CFAP53: variants seen among roughly 807,000 people sequenced by gnomAD.
The protein encoded by CFAP53 is cilia- and flagella-associated protein 53.
CFAP53 carries 62 observed loss-of-function variants against 59.7 expected under a neutral mutation model. That is an observed-to-expected ratio of 1.04 (90% confidence interval 0.85 to 1.28). CFAP53 has a LOEUF of 1.28. Ranked by LOEUF, CFAP53 falls within the 50% of genes most tolerant of loss-of-function variation. CFAP53 has a pLI of 0.00. For missense variants in CFAP53, 629 were observed against 615.6 expected (o/e 1.02, Z -0.23); for synonymous variants, 218 against 205.7 (o/e 1.06, Z -0.51).
chr18:50,243,206 T>A, intron 5 of CFAP53, 90 bp from the exon 6 acceptor site: 2 of 862,666 alleles, frequency 2.3e-6, no homozygotes, highest in South Asian at 3.1e-5. Context: ...AAAGCTCCAA[T>A]CCCAATCTTT....
chr18:50,256,976 T>C (rs2033851947), intron 3 of CFAP53, among the ~76,000 whole-genome samples: 1 of 148,060 alleles, frequency 6.8e-6, no homozygotes, highest in Admixed American at 6.9e-5. Flanking sequence ...TAAGTGACAC[T>C]CACTCTCACA....
At chr18:50,246,300 A>G (rs75901739) in intron 5 of CFAP53, among the ~76,000 whole-genome samples, 117 of 152,352 alleles carry the variant, frequency 7.7e-4, no homozygotes, top group African/African-American at 2.6e-3. Flanking sequence ...AATAGAACTG[A>G]GTGTCCAGAA....
At chr18:50,263,225 G>A (rs994655406) in intron 1 of CFAP53, among the ~76,000 whole-genome samples, 1 of 152,116 alleles carries the variant, frequency 6.6e-6, no homozygotes, top group Non-Finnish European at 1.5e-5. Context: ...CTTGAGCTTT[G>A]TATTTTCAGG....
At chr18:50,228,495 TA>T (rs574934959) in intron 7 of CFAP53, among the ~76,000 whole-genome samples, 79 of 152,096 alleles carry the variant, frequency 5.2e-4, no homozygotes, top group Non-Finnish European at 1.1e-3. Context: ...TTTATTGTAA[TA>T]AAAAACACAT....
intron 7 of CFAP53, among the ~76,000 whole-genome samples, chr18:50,228,462 GT>G (rs1264677402): frequency 2.0e-5 from 3 of 151,712 alleles, no homozygotes; most frequent in East Asian, 1.9e-4. Context: ...ATATATGACA[GT>G]TTTTTTATTT....
intron 1 of CFAP53, 64 bp downstream of exon 1, chr18:50,266,272 C>T (rs2033973863): frequency 6.5e-7 from 1 of 1,531,966 alleles, no homozygotes; most frequent in Non-Finnish European, 9.0e-7. Flanking sequence ...GTGGGATAGG[C>T]CAGGCCTGGA....
chr18:50,227,369 A>C lies in CFAP53; in HGVS notation c.*12T>G. 6.3e-7 allele frequency: 1 copy of C among 1,598,232 alleles called. No homozygotes were observed. Among genetic ancestry groups the C allele is most frequent in the Non-Finnish European group, 8.6e-7 (1 of 1,165,984 alleles). The stretch of plus-strand genomic sequence containing the variant: ...TAAAAGACCAAGAAAAGATATATTG[A>C]TGCTCACGGAACTACGGTGGAAGCT... On this transcript the variant is annotated 3_prime_UTR_variant, in exon 8 of 8. Transcript: ENST00000398545.
At chr18:50,248,215 T>C (rs2033764092) in intron 5 of CFAP53, among the ~76,000 whole-genome samples, 1 of 150,360 alleles carries the variant, frequency 6.7e-6, no homozygotes, top group Non-Finnish European at 1.5e-5. Context: ...AACAGGCTCA[T>C]AAAAAGTTGT....
At chr18:50,258,680 G>A (rs2033866060) in intron 3 of CFAP53, among the ~76,000 whole-genome samples, 1 of 152,138 alleles carries the variant, frequency 6.6e-6, no homozygotes, top group Non-Finnish European at 1.5e-5. Flanking sequence ...CACAGAATGG[G>A]AGAAAATATT....
At chr18:50,253,451 C>T (rs2033820067) in intron 3 of CFAP53, among the ~76,000 whole-genome samples, 1 of 152,090 alleles carries the variant, frequency 6.6e-6, no homozygotes, top group Non-Finnish European at 1.5e-5. Context: ...GGTATCATCC[C>T]CATCTTAGAG....
At chr18:50,227,764 G>GC (rs1234470236) in intron 7 of CFAP53, among the ~76,000 whole-genome samples, 155 bp from the exon 8 acceptor site, 10 of 152,004 alleles carry the variant, frequency 6.6e-5, no homozygotes, top group East Asian at 3.9e-4. Flanking sequence ...CTCAATAATG[G>GC]GTTTCTTACA....
chr18:50,235,320 C>T (rs1033239234), intron 7 of CFAP53, among the ~76,000 whole-genome samples: 4 of 152,122 alleles, frequency 2.6e-5, no homozygotes, highest in Non-Finnish European at 5.9e-5. Context: ...AATCCCAGCA[C>T]TTTGGGAGGC....
intron 5 of CFAP53, among the ~76,000 whole-genome samples, chr18:50,244,371 C>A (rs768750311): frequency 6.6e-6 from 1 of 152,110 alleles, no homozygotes; most frequent in African/African-American, 2.4e-5. Context: ...TCCCTCCTGT[C>A]GCCAAGTAAG....
At chr18:50,235,495 G>C (rs895467094) in intron 7 of CFAP53, among the ~76,000 whole-genome samples, 48 of 152,154 alleles carry the variant, frequency 3.2e-4, no homozygotes, top group African/African-American at 1.1e-3. Flanking sequence ...TGAACCTGGG[G>C]AGGCAGAGGT....
intron 7 of CFAP53, among the ~76,000 whole-genome samples, chr18:50,232,020 G>A (rs909522641): frequency 6.6e-5 from 10 of 152,160 alleles, no homozygotes; most frequent in African/African-American, 1.7e-4. Flanking sequence ...CTGAGTGGCC[G>A]AGGGGACTTT....
At chr18:50,241,809 C>T (rs936198263) in intron 6 of CFAP53, among the ~76,000 whole-genome samples, 1 of 152,082 alleles carries the variant, frequency 6.6e-6, no homozygotes, top group Non-Finnish European at 1.5e-5. Flanking sequence ...GTCTGCGTCC[C>T]ACTGTGCACG....
At chr18:50,228,140 G>A (rs2033544929) in intron 7 of CFAP53, among the ~76,000 whole-genome samples, 1 of 151,186 alleles carries the variant, frequency 6.6e-6, no homozygotes, top group African/African-American at 2.4e-5. Context: ...TGTATTTTTA[G>A]TAGAGATGAG....
chr18:50,259,537 T>C (rs2033873079), intron 3 of CFAP53, among the ~76,000 whole-genome samples: 1 of 152,010 alleles, frequency 6.6e-6, no homozygotes, highest in African/African-American at 2.4e-5. Context: ...AGACCTACTA[T>C]TTGATAGCAC....
intron 3 of CFAP53, among the ~76,000 whole-genome samples, chr18:50,252,558 C>T (rs1290109868): frequency 2.0e-5 from 3 of 152,104 alleles, no homozygotes; most frequent in Non-Finnish European, 2.9e-5. Context: ...CACATGTCAC[C>T]GTGTCTGGCT....
Sources: gnomAD v4.1 joint callset for allele counts (sites outside exome capture counted in the v4.1 genomes callset) on GRCh38, gnomAD v4.1.1 for gene constraint, MANE v1.5 for transcripts, NCBI Gene and HGNC (gene_info 2026-07-23, HGNC 2026-07-21) for gene names.